TBCD: variants seen among roughly 807,000 people sequenced by gnomAD.
TBCD encodes tubulin-specific chaperone D.
Under a neutral mutation model 169.3 loss-of-function variants are expected in TBCD, and 105 were observed. That is an observed-to-expected ratio of 0.62 (90% confidence interval 0.53 to 0.73). TBCD has a LOEUF of 0.73. TBCD is among the 30% of genes least tolerant of loss of function. The pLI, the probability that TBCD is intolerant of heterozygous loss-of-function variation, is 0.00. For missense variants in TBCD, 1,444 were observed against 1,600.1 expected (o/e 0.90, Z 1.66); for synonymous variants, 700 against 643.9 (o/e 1.09, Z -1.32).
chr17:82,869,467 C>T (rs905891758), intron 13 of TBCD, among the ~76,000 whole-genome samples: 2 of 152,122 alleles, frequency 1.3e-5, no homozygotes, highest in Admixed American at 6.5e-5. Flanking sequence ...GTGCAGTGAG[C>T]CAAGATTGTG....
At chr17:82,877,205 C>A (rs769273398) in intron 14 of TBCD, among the ~76,000 whole-genome samples, 4 of 152,210 alleles carry the variant, frequency 2.6e-5, no homozygotes, top group Non-Finnish European at 5.9e-5. Flanking sequence ...ATTCTTGATT[C>A]ATATTTTTCC....
At chr17:82,873,387 C>A (rs1174015184) in intron 14 of TBCD, among the ~76,000 whole-genome samples, 1 of 152,042 alleles carries the variant, frequency 6.6e-6, no homozygotes, top group African/African-American at 2.4e-5. Flanking sequence ...GGCACGGAAC[C>A]CAGGGTCGTG....
chr17:82,899,903 T>G (rs1193337157), intron 17 of TBCD, among the ~76,000 whole-genome samples: 1 of 152,228 alleles, frequency 6.6e-6, no homozygotes, highest in Non-Finnish European at 1.5e-5. Flanking sequence ...ATTGGCCTTT[T>G]ATTTATTTTC....
intron 13 of TBCD, among the ~76,000 whole-genome samples, chr17:82,849,475 C>T (rs2055465126): frequency 6.6e-6 from 1 of 152,212 alleles, no homozygotes; most frequent in African/African-American, 2.4e-5. Context: ...TTCCTTGTTT[C>T]CTCGCTGTGG....
intron 2 of TBCD, among the ~76,000 whole-genome samples, chr17:82,761,848 C>T (rs546700823): frequency 4.2e-4 from 64 of 151,740 alleles, no homozygotes; most frequent in Admixed American, 2.3e-3. Flanking sequence ...GCCTCAGCCT[C>T]CCGAGTAGCT....
rs564043439 is a variant in TBCD, at chr17:82,861,152, C to T, written c.1319-9072C>T. 3.3e-5 allele frequency among the ~76,000 whole-genome samples: 5 copies of T among 152,182 alleles called. No homozygotes were observed. In the East Asian group the frequency reaches 5.8e-4, roughly 18 times the overall value. On this transcript the variant is annotated intron_variant, in intron 13 of 38. Transcript: ENST00000355528. ...GGTGGGGGTCAGCTGCACGGATGCA[C>T]GGCCTCGCACCAGCGGCAGCCCCAG...
intron 37 of TBCD, among the ~76,000 whole-genome samples, chr17:82,940,758 T>TA (rs1259693508): frequency 2.0e-5 from 3 of 151,672 alleles, no homozygotes; most frequent in African/African-American, 7.3e-5. Context: ...AATGATTTTT[T>TA]TAAAAAAAAA....
At chr17:82,893,248 T>C in intron 16 of TBCD, 1 of 416,980 alleles carries the variant, frequency 2.4e-6, no homozygotes, top group Non-Finnish European at 4.3e-6. Context: ...GGTGTATGTT[T>C]TCGGGAAAGG....
At chr17:82,836,627 A>C (rs947662599) in intron 13 of TBCD, among the ~76,000 whole-genome samples, 1 of 152,050 alleles carries the variant, frequency 6.6e-6, no homozygotes, top group Non-Finnish European at 1.5e-5. Context: ...CTCAGGATTT[A>C]AGAAAATGAG....
chr17:82,781,846 G>T (rs572550940), intron 7 of TBCD, 125 bp downstream of exon 7: 25 of 1,446,246 alleles, frequency 1.7e-5, no homozygotes, highest in Non-Finnish European at 2.1e-5. Context: ...TGATTTAACC[G>T]GGCCAGGGTC....
At position 82,924,964 on chromosome 17, in the gene TBCD, T is replaced by C; in HGVS notation, c.2286T>C (p.Ala762=). 1 of 1,570,978 alleles carries C rather than the reference T, an allele frequency of 6.4e-7. No individual in the cohort carries two copies. Among genetic ancestry groups the C allele is most frequent in the Non-Finnish European group, 8.6e-7 (1 of 1,156,790 alleles). Reference sequence around the variant, plus strand: ...AGGAGCTGATCACGCAGTACCTGGCTGAGCTTCGGAACCCCGAGGAGATGA... The same window carrying C: ...AGGAGCTGATCACGCAGTACCTGGCCGAGCTTCGGAACCCCGAGGAGATGA... The part of the protein sequence containing the change: ...IQEELITQYL[A]ELRNPEEMTR... The change falls in exon 27 of 39, where the codon GCT becomes GCC. Residue 762 remains alanine (A), a synonymous_variant. Coordinates refer to ENST00000355528, the MANE Select transcript of TBCD (RefSeq NM_005993.5).
intron 8 of TBCD, 26 bp from the exon 9 acceptor site, chr17:82,800,838 G>C (rs1259861102): frequency 6.9e-6 from 11 of 1,605,834 alleles, no homozygotes; most frequent in Non-Finnish European, 9.4e-6. Context: ...AGCCCTTCCT[G>C]CGCTGAGTCC....
chr17:82,891,390 C>G (rs2059125689), intron 16 of TBCD, among the ~76,000 whole-genome samples: 1 of 152,240 alleles, frequency 6.6e-6, no homozygotes, highest in Non-Finnish European at 1.5e-5. Flanking sequence ...TCAGAGCATC[C>G]TGCACAGTGA....
At chr17:82,786,809 T>A (rs2049345171) in intron 7 of TBCD, among the ~76,000 whole-genome samples, 1 of 140,888 alleles carries the variant, frequency 7.1e-6, no homozygotes, top group African/African-American at 2.7e-5. Flanking sequence ...TTGTTGTGGG[T>A]TCGGTTCTTT....
intron 11 of TBCD, among the ~76,000 whole-genome samples, chr17:82,808,933 G>A (rs1041164752): frequency 6.6e-6 from 1 of 151,416 alleles, no homozygotes; most frequent in Non-Finnish European, 1.5e-5. Flanking sequence ...AGGTGCAGGG[G>A]CTGGCAGGTG....
At chr17:82,940,229 A>ACACACACACACT (rs1568109641) in intron 37 of TBCD, among the ~76,000 whole-genome samples, 10 of 145,560 alleles carry the variant, frequency 6.9e-5, no homozygotes, top group South Asian at 6.3e-4. Context: ...GCGCACACAC[A>ACACACACACACT]CACACACACA....
At position 82,832,697 on chromosome 17, in the gene TBCD, C is replaced by G; in HGVS notation, c.1318+17763C>G. On this transcript the variant is annotated intron_variant, in intron 13 of 38. Transcript: ENST00000355528. The surrounding 1 kb of genome is among the most constrained non-coding windows in gnomAD (Gnocchi z 4.9). ...AGTGAGGGGTCGGCGAGAAGCCGGC[C>G]TCGGCTCGCCACAGTGCCACAGGAT... The G allele has an allele frequency of 3.6e-6, 2 of 556,494 alleles. No homozygotes were observed. The highest frequency in any genetic ancestry group is 6.4e-6 in the Non-Finnish European group (2 of 311,490). The allele number at this position is 556,494 out of a possible 1,614,324, so 34.5% of individuals were successfully genotyped here.
At chr17:82,775,600 C>T (rs182303089) in intron 6 of TBCD, among the ~76,000 whole-genome samples, 1 of 152,064 alleles carries the variant, frequency 6.6e-6, no homozygotes, top group East Asian at 1.9e-4. Context: ...CAGCTGCACC[C>T]GTCTCCCTTG....
chr17:82,762,762 AGT>A (rs1365544651), intron 2 of TBCD, among the ~76,000 whole-genome samples: 1 of 152,036 alleles, frequency 6.6e-6, no homozygotes, highest in East Asian at 1.9e-4. Context: ...AAAAAAAAAA[AGT>A]GTGTGACTCA....
Sources: allele counts gnomAD v4.1 joint callset (sites outside exome capture counted in the v4.1 genomes callset), GRCh38; gene constraint gnomAD v4.1.1; non-coding constraint Gnocchi (gnomAD v3.1); transcripts MANE v1.5; gene names NCBI Gene and HGNC (gene_info 2026-07-23, HGNC 2026-07-21).